Variants in CC2D2B observed in about 807,000 individuals in gnomAD.
CC2D2B encodes the protein coiled-coil and C2 domain containing 2B, also known as protein CC2D2B.
CC2D2B carries 128 observed loss-of-function variants against 161.2 expected under a neutral mutation model. That is an observed-to-expected ratio of 0.79 (90% CI 0.69 to 0.92). The LOEUF (loss-of-function observed/expected upper bound fraction) is 0.92. Ranked by LOEUF, CC2D2B falls within the 40% of genes least tolerant of loss-of-function variation. The pLI is 0.00. For missense variants in CC2D2B, 1,173 were observed against 1,375.1 expected, an observed-to-expected ratio of 0.85 and a Z score of 2.32; for synonymous variants, 391 against 449.8, an observed-to-expected ratio of 0.87 and a Z score of 1.65.
chr10:96,029,819 T>G (rs1031697654), intron 34 of CC2D2B, among the ~76,000 whole-genome samples: 5 of 20,040 alleles, frequency 2.5e-4, no homozygotes, highest in Non-Finnish European at 3.4e-4. Flanking sequence ...GTTGTTTTGT[T>G]TTTTTTTTTG....
At chr10:95,955,590 C>T (rs111941136) in intron 11 of CC2D2B, 99 bp downstream of exon 11, 7 of 394,122 alleles carry the variant, frequency 1.8e-5, no homozygotes, top group African/African-American at 1.4e-4. Flanking sequence ...AGTACACAAT[C>T]CTTACTTTTT....
At chr10:96,001,231 T>G (rs1019523568) in intron 24 of CC2D2B, among the ~76,000 whole-genome samples, 15 of 152,202 alleles carry the variant, frequency 9.9e-5, no homozygotes, top group African/African-American at 3.4e-4. Flanking sequence ...TGAGCAGGTA[T>G]GTGTAGCTAT....
chr10:95,950,629 A>G (rs1292614323), intron 10 of CC2D2B: 2 of 152,124 alleles, frequency 1.3e-5, no homozygotes, highest in Admixed American at 6.6e-5. Flanking sequence ...TTTGTTGACT[A>G]GTGTTCTCTT....
chr10:96,025,758 G>C (rs1186834340), intron 33 of CC2D2B, among the ~76,000 whole-genome samples: 1 of 152,174 alleles, frequency 6.6e-6, no homozygotes, highest in African/African-American at 2.4e-5. Flanking sequence ...TGGCTCTCAG[G>C]CCATGTGTGT....
chr10:95,918,745 G>C (rs979458098), intron 2 of CC2D2B, among the ~76,000 whole-genome samples: 1 of 152,058 alleles, frequency 6.6e-6, no homozygotes, highest in African/African-American at 2.4e-5. Flanking sequence ...ATAACTCTTA[G>C]ATTTGCCCTT....
At chr10:95,994,470 C>T (rs1447935461) in intron 22 of CC2D2B, among the ~76,000 whole-genome samples, 1 of 152,204 alleles carries the variant, frequency 6.6e-6, no homozygotes, top group Non-Finnish European at 1.5e-5. Context: ...CACAGTGCCA[C>T]AGGGAGGGGT....
At chr10:95,960,025 C>T (rs2076707575) in intron 11 of CC2D2B, among the ~76,000 whole-genome samples, 1 of 152,044 alleles carries the variant, frequency 6.6e-6, no homozygotes, top group African/African-American at 2.4e-5. Flanking sequence ...ATAATTTGAT[C>T]CATTGCTTTC....
chr10:95,958,070 T>C (rs77756751), intron 11 of CC2D2B, among the ~76,000 whole-genome samples: 1 of 149,840 alleles, frequency 6.7e-6, no homozygotes, highest in South Asian at 2.1e-4. Flanking sequence ...AAAAAAAACC[T>C]ACTAGATAAA....
intron 15 of CC2D2B, among the ~76,000 whole-genome samples, chr10:95,969,818 A>T (rs948061600): frequency 6.6e-6 from 1 of 152,058 alleles, no homozygotes; most frequent in South Asian, 2.1e-4. Flanking sequence ...TGATATAATA[A>T]TCCAATCACT....
chr10:95,979,220 C>A (rs1283479133), intron 17 of CC2D2B, among the ~76,000 whole-genome samples: 3 of 150,136 alleles, frequency 2.0e-5, no homozygotes, highest in Admixed American at 6.6e-5. Flanking sequence ...CCCCTCCTTA[C>A]CTAATGGTTC....
intron 19 of CC2D2B, among the ~76,000 whole-genome samples, chr10:95,986,754 G>A (rs1450400987): frequency 1.3e-5 from 2 of 151,808 alleles, no homozygotes; most frequent in Non-Finnish European, 1.5e-5. Context: ...GCGCTGTCAT[G>A]CCTGGCTAAT....
intron 6 of CC2D2B, among the ~76,000 whole-genome samples, chr10:95,937,063 G>A (rs80150604): frequency 0.013 from 1,957 of 152,278 alleles, 23 homozygotes; most frequent in Non-Finnish European, 0.019. Context: ...ATATTATCCT[G>A]ATTTCATGGC....
chr10:95,971,081 A>AT (rs757066448), intron 15 of CC2D2B, among the ~76,000 whole-genome samples: 2 of 152,048 alleles, frequency 1.3e-5, no homozygotes, highest in South Asian at 2.1e-4. Context: ...TCAAAATAAG[A>AT]TTTTTTATTG....
At chr10:95,963,799 G>A (rs1237707795) in intron 12 of CC2D2B, among the ~76,000 whole-genome samples, 1 of 152,174 alleles carries the variant, frequency 6.6e-6, no homozygotes, top group African/African-American at 2.4e-5. Context: ...GGAGGTTATT[G>A]ATAATCTCAG....
Position 96,031,948 on chromosome 10 carries a change from A to G in CC2D2B, c.4254A>G (p.Pro1418=), listed in dbSNP as rs1176486947. 22 of 1,613,700 alleles carry G rather than the reference A, an allele frequency of 1.4e-5. No individual in the cohort carries two copies. Among genetic ancestry groups the G allele is most frequent in the Non-Finnish European group, 1.8e-5 (21 of 1,179,774 alleles). Residue 1418 remains proline, a synonymous_variant, in exon 35 of 35, where the codon CCA becomes CCG. Transcript: ENST00000646931. ...TEFALAVYIH[P]YPNNILSVWV... ...TTGCTTTAGCTGTATACATTCACCC[A>G]TACCCAAACAACATATTATCTGTGT... is the stretch of plus-strand genomic sequence containing the variant.
At position 95,968,728 on chromosome 10, in the gene CC2D2B, G is replaced by C. The variant is rs994437331; in HGVS notation, c.1471G>C (p.Glu491Gln). The change falls in exon 15 of 35, where the codon GAA becomes CAA. Residue 491 changes from glutamate (E) to glutamine (Q), a missense_variant. Coordinates refer to ENST00000646931, the MANE Select transcript of CC2D2B (RefSeq NM_001349008.3). ...LTSLSKCSLH[E>Q]QKRRAKIQKL... ...AAAGGTTTGTTTAATTTTTAGGCAT[G>C]AACAAAAAAGAAGAGCCAAAATTCA... 3 of 1,187,732 alleles carry C rather than the reference G, an allele frequency of 2.5e-6. No homozygotes were observed. In the African/African-American group the frequency reaches 4.7e-5, roughly 19 times the overall value. The allele number at this position is 1,187,732 out of a possible 1,614,324, so 73.6% of individuals were successfully genotyped here.
intron 17 of CC2D2B, among the ~76,000 whole-genome samples, chr10:95,979,425 T>C (rs2077433730): frequency 6.6e-6 from 1 of 152,198 alleles, no homozygotes; most frequent in South Asian, 2.1e-4. Context: ...TCTAGACTCA[T>C]AGCTTTCTAA....
intron 28 of CC2D2B, among the ~76,000 whole-genome samples, chr10:96,013,313 C>T (rs2079065167): frequency 1.3e-5 from 2 of 151,606 alleles, no homozygotes; most frequent in Admixed American, 6.6e-5. Context: ...CTAATATCTC[C>T]CTGCTGCAGC....
intron 10 of CC2D2B, chr10:95,950,632 G>A (rs961700091): frequency 1.3e-5 from 2 of 152,072 alleles, no homozygotes; most frequent in African/African-American, 4.8e-5. Flanking sequence ...GTTGACTAGT[G>A]TTCTCTTGGG....
Sources: gnomAD v4.1 joint callset for allele counts (sites outside exome capture counted in the v4.1 genomes callset) on GRCh38, gnomAD v4.1.1 for gene constraint, MANE v1.5 for transcripts, NCBI Gene and HGNC (gene_info 2026-07-23, HGNC 2026-07-21) for gene names.